ANO3: variants seen among roughly 807,000 people sequenced by gnomAD.
ANO3 encodes anoctamin-3.
In ANO3, 99 loss-of-function variants were observed where a neutral mutation model predicts 144.8. The observed-to-expected ratio is 0.68, with a 90% CI of 0.58 to 0.81. The LOEUF (loss-of-function observed/expected upper bound fraction) is 0.81. Ranked by LOEUF, ANO3 falls within the 30% of genes least tolerant of loss-of-function variation. The pLI is 0.00. For synonymous variants in ANO3, 414 were observed against 392.6 expected (o/e 1.05, Z -0.64); for missense variants, 905 against 1,202.2 (o/e 0.75, Z 3.66).
At chr11:26,316,989 A>G (rs1476749755) in intron 1 of ANO3, among the ~76,000 whole-genome samples, 1 of 152,178 alleles carries the variant, frequency 6.6e-6, no homozygotes, top group Non-Finnish European at 1.5e-5. Flanking sequence ...GTCCCCCTAC[A>G]CCTAGTTGGC....
At chr11:26,238,792 C>T (rs1044114939) in intron 1 of ANO3, among the ~76,000 whole-genome samples, 2 of 151,942 alleles carry the variant, frequency 1.3e-5, no homozygotes, top group South Asian at 4.1e-4. Context: ...TTATTGCAAA[C>T]ATCATCTTAC....
chr11:26,363,193 C>A (rs762907606), intron 1 of ANO3, among the ~76,000 whole-genome samples: 19 of 152,110 alleles, frequency 1.2e-4, no homozygotes, highest in Non-Finnish European at 2.4e-4. Context: ...TAAATACCTT[C>A]CCATAAATCA....
chr11:26,421,013 G>A (rs950961528), intron 1 of ANO3, among the ~76,000 whole-genome samples: 1 of 151,978 alleles, frequency 6.6e-6, no homozygotes, highest in Non-Finnish European at 1.5e-5. Flanking sequence ...TTTGTTTCAG[G>A]TTCTAACACT....
chr11:26,267,105 A>G (rs552611430), intron 1 of ANO3, among the ~76,000 whole-genome samples: 73 of 151,488 alleles, frequency 4.8e-4, no homozygotes, highest in African/African-American at 1.4e-3. Context: ...AACAAAAAAA[A>G]AAAAGAAAAG....
At chr11:26,493,323 C>G (rs1046752576) in intron 4 of ANO3, among the ~76,000 whole-genome samples, 1 of 152,008 alleles carries the variant, frequency 6.6e-6, no homozygotes, top group Non-Finnish European at 1.5e-5. Context: ...GTTTCCATCC[C>G]TCTTTATTGA....
rs73441541 is a variant in ANO3 at position 26,303,565 on chromosome 11, C to T, written c.155-6080C>T. Among the ~76,000 whole-genome samples, 1,117 of 152,058 alleles carry T rather than the reference C, an allele frequency of 7.3e-3. 4 individuals carry two copies. The highest frequency in any genetic ancestry group is 0.012 in the Admixed American group (189 of 15,270). ...ATTAAGAGGGAGACGGAGGAAGGAA[C>T]GCATGGACTGAAAAACTGCCTATTG... On this transcript the variant is annotated intron_variant, in intron 1 of 27. Transcript: ENST00000672621.
intron 1 of ANO3, among the ~76,000 whole-genome samples, chr11:26,430,157 A>G (rs1422895301): frequency 6.6e-6 from 1 of 151,740 alleles, no homozygotes; most frequent in African/African-American, 2.4e-5. Context: ...GCTACTCGAG[A>G]GGGTGAGGTA....
chr11:26,542,392 CAG>C (rs1257776785), intron 11 of ANO3, among the ~76,000 whole-genome samples: 1 of 151,900 alleles, frequency 6.6e-6, no homozygotes, highest in African/African-American at 2.4e-5. Context: ...GGGCTTCCAG[CAG>C]AGAGGTGAAA....
At chr11:26,382,878 A>T (rs1252024388) in intron 1 of ANO3, among the ~76,000 whole-genome samples, 1 of 152,204 alleles carries the variant, frequency 6.6e-6, no homozygotes, top group Non-Finnish European at 1.5e-5. Flanking sequence ...ACTATTTTTG[A>T]GTCATAATTG....
At chr11:26,455,883 T>C (rs1183527634) in intron 3 of ANO3, among the ~76,000 whole-genome samples, 4 of 151,554 alleles carry the variant, frequency 2.6e-5, no homozygotes, top group African/African-American at 9.7e-5. Context: ...GAGATATAGA[T>C]CAATGGAACA....
At chr11:26,247,726 C>G (rs374816754) in intron 1 of ANO3, among the ~76,000 whole-genome samples, 2 of 104,176 alleles carry the variant, frequency 1.9e-5, no homozygotes, top group African/African-American at 7.4e-5. Context: ...GCTCCAGTCA[C>G]TTTTTTTTTT....
At chr11:26,338,076 C>T (rs1855239148) in intron 1 of ANO3, among the ~76,000 whole-genome samples, 1 of 150,754 alleles carries the variant, frequency 6.6e-6, no homozygotes, top group African/African-American at 2.4e-5. Context: ...AGTTTCAGGA[C>T]AGTAACATCT....
At chr11:26,637,712 T>C (rs12275062) in intron 20 of ANO3, among the ~76,000 whole-genome samples, 21,423 of 152,162 alleles carry the variant, frequency 0.14, 1,836 homozygotes, top group African/African-American at 0.24. Flanking sequence ...TTGCAAATCC[T>C]CTCTCAGGCT....
chr11:26,383,888 CTTTTTT>C (rs61094091), intron 1 of ANO3, among the ~76,000 whole-genome samples: 207 of 70,162 alleles, frequency 3.0e-3, no homozygotes, highest in African/African-American at 9.4e-3. Context: ...ATGCATTGTT[CTTTTTT>C]TTTTTTTTTT....
At chr11:26,533,298 A>C (rs574608138) in intron 8 of ANO3, among the ~76,000 whole-genome samples, 40 of 152,332 alleles carry the variant, frequency 2.6e-4, no homozygotes, top group African/African-American at 9.1e-4. Context: ...AGAGAAGAAG[A>C]AACAGAGCAA....
chr11:26,418,081 A>T (rs896556962), intron 1 of ANO3, among the ~76,000 whole-genome samples: 1 of 152,120 alleles, frequency 6.6e-6, no homozygotes, highest in Admixed American at 6.6e-5. Flanking sequence ...ATATCAAACT[A>T]TGTTCAAAAA....
chr11:26,496,841 T>C (rs1427140082), intron 4 of ANO3, among the ~76,000 whole-genome samples: 1 of 151,972 alleles, frequency 6.6e-6, no homozygotes, highest in Non-Finnish European at 1.5e-5. Context: ...CATGTTGATG[T>C]AAAAGACTTG....
At chr11:26,450,615 T>A (rs1858895049) in intron 3 of ANO3, among the ~76,000 whole-genome samples, 1 of 152,218 alleles carries the variant, frequency 6.6e-6, no homozygotes, top group Non-Finnish European at 1.5e-5. Flanking sequence ...CCCTGTCACT[T>A]ACTACTTGGG....
At chr11:26,424,341 T>A (rs1857856620) in intron 1 of ANO3, among the ~76,000 whole-genome samples, 1 of 151,678 alleles carries the variant, frequency 6.6e-6, no homozygotes, top group Non-Finnish European at 1.5e-5. Context: ...TCTGAGAAAA[T>A]TTCTCAAAGT....
Sources: allele counts gnomAD v4.1 joint callset (sites outside exome capture counted in the v4.1 genomes callset), GRCh38; gene constraint gnomAD v4.1.1; transcripts MANE v1.5; gene names NCBI Gene and HGNC (gene_info 2026-07-23, HGNC 2026-07-21).